LIN9: variants seen among roughly 807,000 people sequenced by gnomAD.
LIN9 encodes the protein lin-9 DREAM MuvB core complex component, also known as protein lin-9 homolog.
Under a neutral mutation model 78.0 loss-of-function variants are expected in LIN9, and 18 were observed. That is an observed-to-expected ratio of 0.23 (90% CI 0.16 to 0.34). The LOEUF is 0.34. Among genes scored for constraint, LIN9 ranks in the 10% least tolerant of loss-of-function variants. LIN9 has a pLI of 1.00. For missense variants in LIN9, 451 were observed against 644.1 expected (o/e 0.70, Z 3.25); for synonymous variants, 192 against 215.2 (o/e 0.89, Z 0.94).
At chr1:226,287,933 T>A in intron 4 of LIN9, 136 bp from the exon 5 acceptor site, 1 of 618,968 alleles carries the variant, frequency 1.6e-6, no homozygotes, top group Non-Finnish European at 2.7e-6. Flanking sequence ...ATATTCAACA[T>A]GGAATTTTGT....
At chr1:226,282,264 CTT>C (rs1661113264) in intron 6 of LIN9, among the ~76,000 whole-genome samples, 1 of 152,132 alleles carries the variant, frequency 6.6e-6, no homozygotes, top group African/African-American at 2.4e-5. Flanking sequence ...TGTTGCCAAT[CTT>C]TTACTACTAC....
At chr1:226,242,347 A>G (rs1576279733) in intron 11 of LIN9, among the ~76,000 whole-genome samples, 1 of 152,244 alleles carries the variant, frequency 6.6e-6, no homozygotes, top group Non-Finnish European at 1.5e-5. Context: ...TGGCCTTTCA[A>G]ATCAGTGGGA....
intron 8 of LIN9, among the ~76,000 whole-genome samples, chr1:226,267,069 C>T (rs1236328695): frequency 4.0e-5 from 6 of 151,720 alleles, no homozygotes; most frequent in Admixed American, 1.3e-4. Flanking sequence ...TGTGAGCAAC[C>T]GCGCCTGGCC....
rs189982060 is a variant in LIN9, at chr1:226,300,108, T to C, written c.64+1065A>G. ...CACCTGCCACCACTCCCGGATAATT[T>C]TGTATTTTTAGTAGAGATGGGGTTT... On this transcript the variant is annotated intron_variant, in intron 2 of 14. Coordinates refer to ENST00000681046, the MANE Select transcript of LIN9 (RefSeq NM_001366245.2). Among the ~76,000 whole-genome samples the C allele has an allele frequency of 1.5e-4, 23 of 152,100 alleles. 1 individual carries two copies. In the East Asian group the frequency reaches 3.5e-3, roughly 23 times the overall value.
At chr1:226,303,249 C>G (rs1401910372) in intron 1 of LIN9, among the ~76,000 whole-genome samples, 1 of 152,196 alleles carries the variant, frequency 6.6e-6, no homozygotes, top group East Asian at 1.9e-4. Flanking sequence ...CCAGTCCCTA[C>G]CTGCTCTAGG....
intron 10 of LIN9, 21 bp from the exon 11 acceptor site, chr1:226,250,940 T>C: frequency 8.0e-7 from 1 of 1,257,772 alleles, no homozygotes; most frequent in Non-Finnish European, 1.1e-6. Context: ...AGAAGAAATA[T>C]TTTAGAATAA....
At chr1:226,246,340 T>C (rs1021711559) in intron 11 of LIN9, among the ~76,000 whole-genome samples, 4 of 152,184 alleles carry the variant, frequency 2.6e-5, no homozygotes, top group Middle Eastern at 3.2e-3. Context: ...AAGATGTCAT[T>C]CCATTATCTT....
At chr1:226,302,524 G>C (rs1361574883) in intron 1 of LIN9, among the ~76,000 whole-genome samples, 8 of 148,382 alleles carry the variant, frequency 5.4e-5, no homozygotes, top group African/African-American at 2.0e-4. Context: ...TCCAGCCTGG[G>C]TGACAGAGTG....
chr1:226,309,143 G>C lies in LIN9; in HGVS notation c.-4C>G. The C allele has an allele frequency of 1.5e-6, 2 of 1,367,002 alleles. No individual in the cohort carries two copies. The highest frequency in any genetic ancestry group is 1.9e-6 in the Non-Finnish European group (2 of 1,047,140). The allele number at this position is 1,367,002 out of a possible 1,614,324, so 84.7% of individuals were successfully genotyped here. The stretch of plus-strand genomic sequence containing the variant: ...GCAACTGGTCGAGCTCCGCCATCTT[G>C]AACGAGCCGCGCCGCTTTTTCAAAG... On this transcript the variant is annotated 5_prime_UTR_variant, in exon 1 of 15. Transcript: ENST00000681046.
rs1558162976 is a variant in LIN9, at chr1:226,250,824, AAG to A, written c.1119+13_1119+14del. On this transcript the variant is annotated intron_variant, in intron 11 of 14. Transcript: ENST00000681046. The stretch of plus-strand genomic sequence containing the variant: ...TTAGACAAGCAAATGAAGAAAAAAA[AAG>A]AGAAATTCTTACCAATTTTTCTGCT... The A allele has an allele frequency of 5.1e-6, 7 of 1,360,612 alleles. No individual in the cohort carries two copies. The highest frequency in any genetic ancestry group is 2.3e-5 in the East Asian group (1 of 43,504). 84.3% of individuals were successfully genotyped at this position (1,360,612 alleles called of 1,614,324 possible). A position where few individuals can be genotyped will look rare whatever the true frequency, so the allele number is the denominator to read the frequency against.
chr1:226,247,921 G>A (rs1208742192), intron 11 of LIN9, among the ~76,000 whole-genome samples: 1 of 152,036 alleles, frequency 6.6e-6, no homozygotes, highest in Non-Finnish European at 1.5e-5. Context: ...TGATCCACTC[G>A]CCTTGGCCTC....
At chr1:226,309,408 G>T (rs1213366566), upstream of LIN9, 1 of 993,788 alleles carries the variant, frequency 1.0e-6, no homozygotes, top group Non-Finnish European at 1.2e-6. Flanking sequence ...GCCGCACGGC[G>T]AGGCCCGGCG....
intron 6 of LIN9, among the ~76,000 whole-genome samples, chr1:226,279,283 A>G (rs1481133395): frequency 6.6e-6 from 1 of 152,128 alleles, no homozygotes; most frequent in Admixed American, 6.5e-5. Flanking sequence ...CCTGGGCAAC[A>G]TAGTGAGACT....
chr1:226,262,896 A>G (rs1327003886), intron 10 of LIN9, among the ~76,000 whole-genome samples: 1 of 152,250 alleles, frequency 6.6e-6, no homozygotes, highest in African/African-American at 2.4e-5. Flanking sequence ...GATGTCTTTC[A>G]GTTTGTCAAT....
At chr1:226,239,548 G>A (rs1657967932) in intron 11 of LIN9, among the ~76,000 whole-genome samples, 1 of 152,152 alleles carries the variant, frequency 6.6e-6, no homozygotes, top group Admixed American at 6.6e-5. Context: ...GATTATATAT[G>A]TTCAAATTCC....
At chr1:226,309,662 C>T, upstream of LIN9, 2 of 1,283,424 alleles carry the variant, frequency 1.6e-6, no homozygotes, top group Non-Finnish European at 2.0e-6. Context: ...CGCCTCCGTC[C>T]CCTCACTTTT....
At chr1:226,286,491 A>G (rs899484569) in intron 5 of LIN9, 33 bp from the exon 6 acceptor site, 2 of 1,484,892 alleles carry the variant, frequency 1.3e-6, no homozygotes, top group African/African-American at 2.8e-5. Context: ...TAATGGTTAC[A>G]TACAATGTGT....
At chr1:226,296,867 ATTTT>A (rs1662184384) in intron 3 of LIN9, among the ~76,000 whole-genome samples, 1 of 151,994 alleles carries the variant, frequency 6.6e-6, no homozygotes, top group Non-Finnish European at 1.5e-5. Flanking sequence ...CAAAAAAAAA[ATTTT>A]TTATTAGCTG....
intron 11 of LIN9, among the ~76,000 whole-genome samples, chr1:226,246,783 ACT>A (rs1187876620): frequency 1.8e-5 from 2 of 110,302 alleles, no homozygotes; most frequent in African/African-American, 7.1e-5. Context: ...ACAGAGCGAG[ACT>A]CTGTCTCAAA....
Sources: allele counts gnomAD v4.1 joint callset (sites outside exome capture counted in the v4.1 genomes callset), GRCh38; gene constraint gnomAD v4.1.1; transcripts MANE v1.5; gene names NCBI Gene and HGNC (gene_info 2026-07-23, HGNC 2026-07-21).